The following CYRIA variants were observed in gnomAD, a reference collection of about 807,000 sequenced individuals.
The protein encoded by CYRIA is CYFIP-related Rac1 interactor A.
Under a neutral mutation model 43.9 loss-of-function variants are expected in CYRIA, and 15 were observed. The observed-to-expected ratio is 0.34, with a 90% CI of 0.23 to 0.53. The LOEUF (loss-of-function observed/expected upper bound fraction) is 0.53, where lower values mean the gene tolerates loss of function less well. CYRIA is among the 20% of genes least tolerant of loss of function. The probability of loss-of-function intolerance (pLI) is 0.94; values close to 1 mark genes in which losing one functional copy is unlikely to be tolerated. For synonymous variants in CYRIA, 117 were observed against 136.0 expected, an observed-to-expected ratio of 0.86 and a Z score of 0.97; for missense variants, 236 against 394.2, an observed-to-expected ratio of 0.60 and a Z score of 3.40.
chr2:16,590,179 T>C (rs971649170), intron 2 of CYRIA, among the ~76,000 whole-genome samples: 4 of 152,160 alleles, frequency 2.6e-5, no homozygotes, highest in Non-Finnish European at 4.4e-5. Context: ...CCTGCCTTTA[T>C]GCCCATTTCC....
intron 1 of CYRIA, among the ~76,000 whole-genome samples, 156 bp downstream of exon 1, chr2:16,665,624 C>T (rs961971698): frequency 1.3e-5 from 2 of 151,558 alleles, no homozygotes; most frequent in African/African-American, 4.8e-5. Context: ...GCTCTCCCTC[C>T]CTCCCAAAGG....
chr2:16,621,135 C>T (rs74333781), intron 2 of CYRIA, among the ~76,000 whole-genome samples: 2 of 152,302 alleles, frequency 1.3e-5, no homozygotes, highest in East Asian at 3.9e-4. Context: ...GTGCCTGGTA[C>T]AGCACTCACA....
chr2:16,559,111 A>G (rs1666635989), intron 10 of CYRIA, among the ~76,000 whole-genome samples: 2 of 152,058 alleles, frequency 1.3e-5, no homozygotes, highest in Non-Finnish European at 2.9e-5. Context: ...GTATCTCCCA[A>G]CTCTTCACAA....
chr2:16,659,169 C>T (rs1358680747), intron 1 of CYRIA, among the ~76,000 whole-genome samples: 1 of 152,166 alleles, frequency 6.6e-6, no homozygotes, highest in Non-Finnish European at 1.5e-5. Context: ...AGAAACTCAC[C>T]AGCTCTTTGA....
chr2:16,593,911 T>C (rs1668025192), intron 2 of CYRIA, among the ~76,000 whole-genome samples: 1 of 129,594 alleles, frequency 7.7e-6, no homozygotes, highest in African/African-American at 2.9e-5. Flanking sequence ...CAGAGTGTGA[T>C]ATTCCCCTTC....
intron 3 of CYRIA, among the ~76,000 whole-genome samples, chr2:16,582,839 T>C (rs73211548): frequency 0.033 from 5,011 of 152,314 alleles, 249 homozygotes; most frequent in African/African-American, 0.097. Flanking sequence ...CAAATTCTTG[T>C]GTGGACATAT....
chr2:16,629,031 G>C (rs1250668027), intron 1 of CYRIA, among the ~76,000 whole-genome samples: 1 of 152,154 alleles, frequency 6.6e-6, no homozygotes, highest in African/African-American at 2.4e-5. Context: ...GTTCTGATAA[G>C]CAGCCTGTCC....
intron 2 of CYRIA, among the ~76,000 whole-genome samples, chr2:16,609,360 A>G (rs1668515486): frequency 6.6e-6 from 1 of 152,138 alleles, no homozygotes; most frequent in South Asian, 2.1e-4. Context: ...TTTGTCTGAA[A>G]AGTCTGACAT....
At chr2:16,599,530 A>G (rs1668124733) in intron 2 of CYRIA, among the ~76,000 whole-genome samples, 1 of 127,384 alleles carries the variant, frequency 7.9e-6, no homozygotes, top group African/African-American at 3.2e-5. Flanking sequence ...TTGACTCGGA[A>G]AGGGAACTCC....
intron 10 of CYRIA, among the ~76,000 whole-genome samples, chr2:16,558,927 A>T (rs1666626188): frequency 6.6e-6 from 1 of 152,080 alleles, no homozygotes; most frequent in African/African-American, 2.4e-5. Flanking sequence ...GTCTGAAAGG[A>T]ACCCACCCAT....
intron 1 of CYRIA, among the ~76,000 whole-genome samples, chr2:16,664,165 C>G (rs995189687): frequency 1.3e-5 from 2 of 152,084 alleles, no homozygotes; most frequent in Non-Finnish European, 2.9e-5. Flanking sequence ...TGCCCAAGCC[C>G]GTGATGCTGC....
intron 9 of CYRIA, chr2:16,560,742 G>T (rs1384579982): frequency 1.9e-6 from 1 of 528,256 alleles, no homozygotes; most frequent in Non-Finnish European, 3.4e-6. Flanking sequence ...TCTGAGCCTT[G>T]GTTCTGCCAC....
chr2:16,642,602 A>G (rs1669706132), intron 1 of CYRIA, among the ~76,000 whole-genome samples: 1 of 151,884 alleles, frequency 6.6e-6, no homozygotes, highest in Non-Finnish European at 1.5e-5. Context: ...CCGCTAGAAC[A>G]CGCTCTCCAG....
chr2:16,657,002 C>A (rs747740895), intron 1 of CYRIA, among the ~76,000 whole-genome samples: 13 of 152,212 alleles, frequency 8.5e-5, no homozygotes, highest in Non-Finnish European at 1.3e-4. Flanking sequence ...CTCCAGAGGT[C>A]AGCCTGGGGC....
intron 2 of CYRIA, among the ~76,000 whole-genome samples, chr2:16,619,743 T>C (rs1159256416): frequency 2.0e-5 from 3 of 152,206 alleles, no homozygotes; most frequent in African/African-American, 2.4e-5. Context: ...TGGCTACTAA[T>C]GGATTTTTGA....
At chr2:16,607,447 A>C (rs1276845977) in intron 2 of CYRIA, among the ~76,000 whole-genome samples, 2 of 152,014 alleles carry the variant, frequency 1.3e-5, no homozygotes, top group African/African-American at 4.8e-5. Flanking sequence ...AGCTGGGTAA[A>C]TTTTTTACTT....
At chr2:16,638,063 G>A (rs1669557190) in intron 1 of CYRIA, among the ~76,000 whole-genome samples, 1 of 152,160 alleles carries the variant, frequency 6.6e-6, no homozygotes, top group Non-Finnish European at 1.5e-5. Flanking sequence ...ACCTCATCTT[G>A]GGGTTTGGAA....
Position 16,556,993 on chromosome 2 carries a change from A to G in CYRIA, c.838-1854T>C, listed in dbSNP as rs1666547117. ...GGGAATCTCTGTTTTGGGGATGGCC[A>G]TATTTCAGGTGTCCATGGGAAATGG... On this transcript the variant is annotated intron_variant, in intron 10 of 11. Transcript: ENST00000381323. Among the ~76,000 whole-genome samples, 7 of 152,230 alleles carry G rather than the reference A, an allele frequency of 4.6e-5. No individual in the cohort carries two copies. In the South Asian group the frequency reaches 1.5e-3, roughly 32 times the overall value.
chr2:16,555,402 G>C (rs1033067068), intron 10 of CYRIA, among the ~76,000 whole-genome samples: 1 of 152,082 alleles, frequency 6.6e-6, no homozygotes, highest in African/African-American at 2.4e-5. Flanking sequence ...TAGGGACAAA[G>C]ACTTGAGACT....
Sources: gnomAD v4.1 joint callset for allele counts (sites outside exome capture counted in the v4.1 genomes callset) on GRCh38, gnomAD v4.1.1 for gene constraint, MANE v1.5 for transcripts, NCBI Gene and HGNC (gene_info 2026-07-23, HGNC 2026-07-21) for gene names.